TMC1: variants seen among roughly 807,000 people sequenced by gnomAD.
The protein encoded by TMC1 is transmembrane channel like 1.
In TMC1, 84 loss-of-function variants were observed where a neutral mutation model predicts 105.8. That is an observed-to-expected ratio of 0.79 (90% CI 0.67 to 0.95). TMC1 has a LOEUF of 0.95. Ranked by LOEUF, TMC1 falls within the 40% of genes least tolerant of loss-of-function variation. The pLI is 0.00. For missense variants in TMC1, 817 were observed against 914.1 expected (o/e 0.89, Z 1.37); for synonymous variants, 315 against 311.5 (o/e 1.01, Z -0.12).
intron 1 of TMC1, among the ~76,000 whole-genome samples, chr9:72,533,070 C>T (rs1318386342): frequency 6.6e-6 from 1 of 152,150 alleles, no homozygotes; most frequent in African/African-American, 2.4e-5. Flanking sequence ...CTGTGTTTTG[C>T]AGAAGAAGCT....
intron 17 of TMC1, among the ~76,000 whole-genome samples, chr9:72,798,969 G>A (rs186656414): frequency 3.9e-5 from 6 of 151,984 alleles, no homozygotes; most frequent in Middle Eastern, 3.4e-3. Flanking sequence ...TGATGATTTT[G>A]TAAATAACCC....
chr9:72,630,531 A>G (rs1449532072), intron 4 of TMC1, among the ~76,000 whole-genome samples: 1 of 152,258 alleles, frequency 6.6e-6, no homozygotes, highest in Non-Finnish European at 1.5e-5. Context: ...TGTAAGAATC[A>G]GCCTAAGTAG....
In TMC1 at chr9:72,805,520, A is replaced by C; in HGVS notation, c.1695+10A>C. ...CTTGGAGTATGGATATGTAAGTATG[A>C]TGTTAATTTTGCTTTTTTTTTTTTT... On this transcript the variant is annotated intron_variant, in intron 18 of 23. Coordinates refer to ENST00000297784, the MANE Select transcript of TMC1 (RefSeq NM_138691.3). 1 of 1,571,218 alleles carries C rather than the reference A, an allele frequency of 6.4e-7. No individual in the cohort carries two copies. Among genetic ancestry groups the C allele is most frequent in the Non-Finnish European group, 8.6e-7 (1 of 1,162,192 alleles).
intron 11 of TMC1, among the ~76,000 whole-genome samples, chr9:72,752,204 A>ATTT (rs1357102239): frequency 6.6e-6 from 1 of 152,102 alleles, no homozygotes; most frequent in Admixed American, 6.6e-5. Context: ...TTAAATGTGT[A>ATTT]TTTTTATGTG....
At chr9:72,662,470 T>C (rs111648020) in intron 5 of TMC1, among the ~76,000 whole-genome samples, 1 of 152,160 alleles carries the variant, frequency 6.6e-6, no homozygotes, top group African/African-American at 2.4e-5. Context: ...GTGCTGGCAT[T>C]ACAGGTGTGA....
In TMC1 at chr9:72,685,342, A is replaced by G. The variant is rs534963930; in HGVS notation, c.17-3367A>G. Among the ~76,000 whole-genome samples the G allele has an allele frequency of 1.2e-4, 18 of 144,482 alleles. No individual in the cohort carries two copies. The East Asian group carries it at 2.8e-3, about 23-fold the overall frequency. 94.8% of individuals were successfully genotyped at this position (144,482 alleles called of 152,430 possible). On this transcript the variant is annotated intron_variant, in intron 5 of 23. Transcript: ENST00000297784. ...AGGATGGTCTCGATCTCCTGACCTC[A>G]TGATCCACCCGCCTTGGCCATTTTT...
In TMC1 at chr9:72,772,555, C is replaced by G. The variant is rs760785189; in HGVS notation, c.884C>G (p.Ala295Gly). The change falls in exon 13 of 24, where the codon GCA (alanine) becomes GGA (glycine). Residue 295 changes from alanine to glycine, a missense_variant and splice_region_variant. Ala to Gly is a moderately conservative substitution (Grantham distance 60). Transcript: ENST00000297784. ...TACAGCTTTCTGGTTGTCCTCAAAG[C>G]GTAAGTTTCATTTGTCTTTTGGGAA... The part of the protein sequence containing the change: ...IGYSFLVVLK[A>G]MTKNIGDDGG... The G allele has an allele frequency of 6.2e-6, 10 of 1,613,552 alleles. No individual in the cohort carries two copies. In the South Asian group the frequency reaches 8.8e-5, roughly 14 times the overall value.
intron 3 of TMC1, among the ~76,000 whole-genome samples, chr9:72,617,908 G>T (rs1227419073): frequency 6.9e-6 from 1 of 144,418 alleles, no homozygotes; most frequent in African/African-American, 2.6e-5. Flanking sequence ...GTCTATGTGT[G>T]GTGTGTGTGT....
intron 2 of TMC1, among the ~76,000 whole-genome samples, chr9:72,590,467 A>G (rs1587976796): frequency 6.6e-6 from 1 of 152,240 alleles, no homozygotes; most frequent in African/African-American, 2.4e-5. Context: ...CACCAGAGCT[A>G]GGTTCAAATT....
intron 18 of TMC1, among the ~76,000 whole-genome samples, chr9:72,813,806 A>G (rs1240993853): frequency 6.6e-6 from 1 of 152,218 alleles, no homozygotes; most frequent in Non-Finnish European, 1.5e-5. Flanking sequence ...CAGCTTACCT[A>G]GCTAAGAAAT....
chr9:72,677,593 A>G (rs1027105688), intron 5 of TMC1, among the ~76,000 whole-genome samples: 1 of 152,196 alleles, frequency 6.6e-6, no homozygotes, highest in African/African-American at 2.4e-5. Flanking sequence ...TAAGTGCTCC[A>G]TATATATTTA....
At chr9:72,742,311 T>G in intron 9 of TMC1, 133 bp from the exon 10 acceptor site, 1 of 744,228 alleles carries the variant, frequency 1.3e-6, no homozygotes. Context: ...TTTCCCCCTT[T>G]GACTAGAAAG....
At chr9:72,789,012 C>T (rs1309505067) in intron 14 of TMC1, 111 bp from the exon 15 acceptor site, 1 of 1,076,196 alleles carries the variant, frequency 9.3e-7, no homozygotes, top group Non-Finnish European at 1.4e-6. Context: ...ATTGTCATTC[C>T]TCACATTCTG....
At chr9:72,571,098 G>A (rs928580429) in intron 1 of TMC1, among the ~76,000 whole-genome samples, 22 of 149,164 alleles carry the variant, frequency 1.5e-4, no homozygotes, top group Non-Finnish European at 2.1e-4. Flanking sequence ...CAAGGCAGGC[G>A]GATCATTTGA....
intron 5 of TMC1, among the ~76,000 whole-genome samples, chr9:72,656,387 T>C (rs1260288051): frequency 6.6e-6 from 1 of 152,154 alleles, no homozygotes; most frequent in Non-Finnish European, 1.5e-5. Flanking sequence ...GGTGCCTTTT[T>C]TTTTGGGCCA....
intron 15 of TMC1, among the ~76,000 whole-genome samples, chr9:72,789,981 C>T (rs889083001): frequency 1.3e-5 from 2 of 152,066 alleles, no homozygotes; most frequent in South Asian, 2.1e-4. Context: ...ACATTATGAC[C>T]GTAATTTGCC....
chr9:72,760,175 A>T (rs1391279615), intron 12 of TMC1, among the ~76,000 whole-genome samples: 6 of 152,088 alleles, frequency 3.9e-5, no homozygotes, highest in African/African-American at 1.4e-4. Context: ...TGGTTAGCAA[A>T]GTTCTATCTT....
chr9:72,583,185 G>A (rs1195641423), intron 2 of TMC1, among the ~76,000 whole-genome samples: 2 of 152,128 alleles, frequency 1.3e-5, no homozygotes, highest in Non-Finnish European at 2.9e-5. Flanking sequence ...TTGTGCCACT[G>A]CACTCCAGCC....
chr9:72,819,066 C>T (rs1266488785), intron 19 of TMC1, among the ~76,000 whole-genome samples: 3 of 152,098 alleles, frequency 2.0e-5, no homozygotes, highest in Non-Finnish European at 2.9e-5. Context: ...AATGAAACAA[C>T]CTCAAAATCG....
Sources: allele counts gnomAD v4.1 joint callset (sites outside exome capture counted in the v4.1 genomes callset), GRCh38; gene constraint gnomAD v4.1.1; transcripts MANE v1.5; gene names NCBI Gene and HGNC (gene_info 2026-07-23, HGNC 2026-07-21).